MX2: variants seen among roughly 807,000 people sequenced by gnomAD.
The protein encoded by MX2 is MX dynamin like GTPase 2, also known as interferon-induced GTP-binding protein Mx2.
MX2 carries 51 observed loss-of-function variants against 74.0 expected under a neutral mutation model. The observed-to-expected ratio is 0.69, with a 90% confidence interval of 0.55 to 0.87. The LOEUF (loss-of-function observed/expected upper bound fraction) is 0.87, where lower values mean the gene tolerates loss of function less well. MX2 is among the 40% of genes least tolerant of loss of function. MX2 has a pLI of 0.00. For missense variants in MX2, 832 were observed against 908.7 expected (o/e 0.92, Z 1.09); for synonymous variants, 369 against 339.3 (o/e 1.09, Z -0.96).
rs1439407959 is a variant in MX2 at position 41,366,048 on chromosome 21, C to T, written c.-72+3993C>T. The T allele has an allele frequency of 6.6e-6, 1 of 152,294 alleles. No homozygotes were observed. The highest frequency in any genetic ancestry group is 1.5e-5 in the Non-Finnish European group (1 of 68,064). The allele number at this position is 152,294 out of a possible 1,614,324, so 9.4% of individuals were successfully genotyped here. Reference sequence around the variant, plus strand: ...CTCAACCTTTCTCCATTTGGGCTTCCCTGAGTGGTTCCGTAGTTCATTTAT... The same window carrying T: ...CTCAACCTTTCTCCATTTGGGCTTCTCTGAGTGGTTCCGTAGTTCATTTAT... On this transcript the variant is annotated intron_variant, in intron 1 of 13. Coordinates refer to ENST00000330714, the MANE Select transcript of MX2 (RefSeq NM_002463.2). The surrounding 1 kb of genome is among the most constrained non-coding windows in gnomAD (Gnocchi z 4.5).
rs1182605407 is a variant in MX2, at chr21:41,368,302, A to G, written c.-72+6247A>G. 6.6e-6 allele frequency among the ~76,000 whole-genome samples: 1 copy of G among 152,190 alleles called. No individual in the cohort carries two copies. Among genetic ancestry groups the G allele is most frequent in the Non-Finnish European group, 1.5e-5 (1 of 68,032 alleles). On this transcript the variant is annotated intron_variant, in intron 1 of 13. Coordinates refer to ENST00000330714, the MANE Select transcript of MX2 (RefSeq NM_002463.2). This position sits in a 1 kb window ranked among gnomAD's most constrained non-coding sequence, Gnocchi z 4.6. ...CCCAGCCAGCCGACAGGCTCCCGAG[A>G]CAGTCCACTCACACAGACACACTGT...
At chr21:41,403,417 C>A in intron 12 of MX2, 74 bp downstream of exon 12, 1 of 1,292,024 alleles carries the variant, frequency 7.7e-7, no homozygotes, top group Non-Finnish European at 1.1e-6. Context: ...TGGATATTCA[C>A]TGTCATTTGG....
chr21:41,403,479 C>T (rs1439827001), intron 12 of MX2, 136 bp downstream of exon 12: 31 of 833,624 alleles, frequency 3.7e-5, no homozygotes, highest in South Asian at 1.4e-4. Flanking sequence ...GCAGGGCTGG[C>T]GGGGCTGGTG....
In MX2 at chr21:41,377,113, C is replaced by T. The variant is rs1171872566; in HGVS notation, c.207C>T (p.Asn69=). The change falls in exon 2 of 14, where the codon AAC becomes AAT. Residue 69 remains asparagine, a synonymous_variant. Transcript: ENST00000330714. ...AGGACTTCAACTTTCTCACTTTGAA[C>T]AATCAGCCACCACCAGGAAACAGGA... ...LAKDFNFLTL[N]NQPPPGNRSQ... is the part of the protein sequence containing the mutation. 1 of 1,614,188 alleles carries T rather than the reference C, an allele frequency of 6.2e-7. No individual in the cohort carries two copies. The highest frequency in any genetic ancestry group is 8.5e-7 in the Non-Finnish European group (1 of 1,180,034).
chr21:41,385,967 C>G (rs968824270), intron 5 of MX2, among the ~76,000 whole-genome samples: 14 of 151,958 alleles, frequency 9.2e-5, no homozygotes, highest in African/African-American at 2.9e-4. Context: ...TTGGTCAACT[C>G]AGAGCTGCCA....
At chr21:41,407,083 G>A (rs1456758806) in intron 13 of MX2, 85 bp downstream of exon 13, 3 of 1,410,526 alleles carry the variant, frequency 2.1e-6, no homozygotes, top group South Asian at 1.4e-5. Flanking sequence ...AGGCTTTGCT[G>A]AGGGAAGGAG....
Position 41,376,817 on chromosome 21 carries a change from C to G in MX2, c.-71-19C>G. On this transcript the variant is annotated intron_variant, in intron 1 of 13. Transcript: ENST00000330714. ...CTTCTGGTGACCTGTGGGCCGCTCTCCCTCTTGTGTCTTTGCAGAGCTTGT... is the reference window on the plus strand; with the variant it reads ...CTTCTGGTGACCTGTGGGCCGCTCTGCCTCTTGTGTCTTTGCAGAGCTTGT... The G allele has an allele frequency of 6.4e-7, 1 of 1,562,252 alleles. No individual in the cohort carries two copies. The highest frequency in any genetic ancestry group is 8.7e-7 in the Non-Finnish European group (1 of 1,153,284).
chr21:41,372,325 T>C (rs1412637584), intron 1 of MX2, among the ~76,000 whole-genome samples: 3 of 152,238 alleles, frequency 2.0e-5, no homozygotes, highest in Non-Finnish European at 4.4e-5. Context: ...CTAGGAAGGC[T>C]CATGGCACTC....
chr21:41,382,653 T>C, intron 5 of MX2, 89 bp downstream of exon 5: 19 of 1,524,628 alleles, frequency 1.2e-5, no homozygotes, highest in Non-Finnish European at 1.6e-5. Flanking sequence ...TCCTGGAGCC[T>C]TTACACTGAG....
chr21:41,362,750 CTTTTTTT>C (rs56903696), intron 1 of MX2, among the ~76,000 whole-genome samples: 24 of 82,158 alleles, frequency 2.9e-4, no homozygotes, highest in African/African-American at 9.9e-4. Context: ...GTTTTTTTTT[CTTTTTTT>C]TTTTTTTTTT....
chr21:41,376,703 C>G, intron 1 of MX2, 133 bp from the exon 2 acceptor site: 1 of 650,638 alleles, frequency 1.5e-6, no homozygotes, highest in Non-Finnish European at 2.6e-6. Context: ...GGGCCCTGCA[C>G]TGGACCCCTG....
chr21:41,393,969 G>A (rs1304816104), intron 6 of MX2, among the ~76,000 whole-genome samples: 3 of 152,124 alleles, frequency 2.0e-5, no homozygotes, highest in African/African-American at 4.8e-5. Context: ...TGTATCTGAA[G>A]TCCTGGTGAC....
intron 4 of MX2, among the ~76,000 whole-genome samples, chr21:41,382,082 C>A (rs901617886): frequency 1.4e-4 from 22 of 152,194 alleles, no homozygotes; most frequent in Admixed American, 5.2e-4. Context: ...GATTTGTGGA[C>A]ATATTTTAAA....
chr21:41,405,198 G>C (rs556562340), intron 12 of MX2, among the ~76,000 whole-genome samples: 2 of 151,906 alleles, frequency 1.3e-5, no homozygotes, highest in East Asian at 3.9e-4. Context: ...GGCGGAGGTT[G>C]CAGTCAGTCG....
chr21:41,389,784 T>C (rs1389385723), intron 5 of MX2: 1 of 152,156 alleles, frequency 6.6e-6, no homozygotes, highest in African/African-American at 2.4e-5. Flanking sequence ...TGGGGCACTG[T>C]CTGAGCACAA....
intron 5 of MX2, among the ~76,000 whole-genome samples, chr21:41,384,348 T>C (rs28690370): frequency 0.36 from 54,781 of 152,164 alleles, 14,646 homozygotes; most frequent in African/African-American, 0.76. Flanking sequence ...CTCTCCTCTA[T>C]GGAGGATACA....
intron 1 of MX2, 141 bp from the exon 2 acceptor site, chr21:41,376,695 G>C (rs1373166840): frequency 1.6e-6 from 1 of 617,774 alleles, no homozygotes; most frequent in African/African-American, 1.8e-5. Flanking sequence ...GCAGACAGGG[G>C]CCCTGCACTG....
intron 7 of MX2, among the ~76,000 whole-genome samples, chr21:41,397,402 G>A (rs1372794686): frequency 6.6e-6 from 1 of 152,214 alleles, no homozygotes. Flanking sequence ...AGTTTGTGGG[G>A]ATGATAGAAA....
At chr21:41,392,978 G>T (rs1003096667) in intron 6 of MX2, among the ~76,000 whole-genome samples, 12 of 151,666 alleles carry the variant, frequency 7.9e-5, no homozygotes, top group Admixed American at 3.3e-4. Context: ...TGGTGGCACA[G>T]GCCTGTAATC....
Sources: allele counts gnomAD v4.1 joint callset (sites outside exome capture counted in the v4.1 genomes callset), GRCh38; gene constraint gnomAD v4.1.1; non-coding constraint Gnocchi (gnomAD v3.1); transcripts MANE v1.5; gene names NCBI Gene and HGNC (gene_info 2026-07-23, HGNC 2026-07-21).